The following L3MBTL4 variants were observed in gnomAD, a reference collection of about 807,000 sequenced individuals.
The protein encoded by L3MBTL4 is lethal(3)malignant brain tumor-like protein 4.
L3MBTL4 carries 70 observed loss-of-function variants against 84.5 expected under a neutral mutation model. The observed-to-expected ratio is 0.83, with a 90% CI of 0.68 to 1.01. The LOEUF (loss-of-function observed/expected upper bound fraction) is 1.01, where lower values mean the gene tolerates loss of function less well. Among genes scored for constraint, L3MBTL4 ranks in the 50% least tolerant of loss-of-function variants. L3MBTL4 has a pLI of 0.00. For synonymous variants in L3MBTL4, 274 were observed against 259.8 expected, an observed-to-expected ratio of 1.05 and a Z score of -0.52; for missense variants, 715 against 754.8, an observed-to-expected ratio of 0.95 and a Z score of 0.62.
intron 16 of L3MBTL4, among the ~76,000 whole-genome samples, chr18:6,060,991 T>C (rs947253085): frequency 1.1e-4 from 16 of 152,108 alleles, no homozygotes; most frequent in Admixed American, 9.8e-4. Flanking sequence ...TTTGTACAAA[T>C]ATAAGTTTTA....
At chr18:6,175,185 C>A (rs764911960) in intron 12 of L3MBTL4, among the ~76,000 whole-genome samples, 1 of 152,102 alleles carries the variant, frequency 6.6e-6, no homozygotes. Flanking sequence ...CAACCGGACA[C>A]AATGCAACAC....
At chr18:6,100,368 A>C (rs1366409928) in intron 14 of L3MBTL4, among the ~76,000 whole-genome samples, 6 of 151,984 alleles carry the variant, frequency 3.9e-5, no homozygotes, top group African/African-American at 1.2e-4. Context: ...TTTATTTTCC[A>C]TTTCTTTGGT....
intron 5 of L3MBTL4, among the ~76,000 whole-genome samples, chr18:6,253,944 T>C (rs1191770812): frequency 1.3e-5 from 2 of 152,214 alleles, no homozygotes; most frequent in African/African-American, 4.8e-5. Context: ...AAATATTATA[T>C]ACACTAATAC....
intron 4 of L3MBTL4, among the ~76,000 whole-genome samples, chr18:6,285,920 C>T (rs982160351): frequency 6.6e-6 from 1 of 151,336 alleles, no homozygotes; most frequent in East Asian, 2.0e-4. Flanking sequence ...CAACCTCCGC[C>T]TCCCGGGTTC....
At chr18:6,169,378 A>T (rs1274730063) in intron 13 of L3MBTL4, among the ~76,000 whole-genome samples, 11 of 152,176 alleles carry the variant, frequency 7.2e-5, no homozygotes, top group Non-Finnish European at 4.4e-5. Context: ...ACACATGCAC[A>T]TGTATGTTTA....
At chr18:5,970,845 C>T (rs1263882822) in intron 16 of L3MBTL4, among the ~76,000 whole-genome samples, 1 of 152,234 alleles carries the variant, frequency 6.6e-6, no homozygotes, top group Non-Finnish European at 1.5e-5. Context: ...CACATATACT[C>T]ATTAGTAATC....
intron 16 of L3MBTL4, among the ~76,000 whole-genome samples, chr18:6,040,205 T>A (rs1424371293): frequency 2.6e-5 from 4 of 152,172 alleles, no homozygotes; most frequent in Non-Finnish European, 2.9e-5. Context: ...AATAAACTTT[T>A]AAAAATTCAA....
chr18:6,217,423 G>A (rs915323406), intron 10 of L3MBTL4, among the ~76,000 whole-genome samples: 8 of 152,080 alleles, frequency 5.3e-5, no homozygotes, highest in South Asian at 4.1e-4. Flanking sequence ...TCTGCATTCC[G>A]AATGTGAGGG....
At chr18:5,971,387 A>C (rs2052635262) in intron 16 of L3MBTL4, among the ~76,000 whole-genome samples, 1 of 152,198 alleles carries the variant, frequency 6.6e-6, no homozygotes, top group Non-Finnish European at 1.5e-5. Flanking sequence ...TGTATTCTGG[A>C]AAAGAATAAC....
At chr18:6,241,217 C>T (rs773177753) in intron 8 of L3MBTL4, 141 bp downstream of exon 8, 113 of 600,754 alleles carry the variant, frequency 1.9e-4, no homozygotes, top group Non-Finnish European at 3.3e-4. Flanking sequence ...AAGAAACTGA[C>T]GAATTAGGTG....
At chr18:6,302,497 T>C (rs2050386170) in intron 3 of L3MBTL4, among the ~76,000 whole-genome samples, 1 of 152,220 alleles carries the variant, frequency 6.6e-6, no homozygotes, top group African/African-American at 2.4e-5. Flanking sequence ...AGCAAGATGG[T>C]GCAGCCCCAC....
At chr18:6,386,144 C>T (rs1458190785) in intron 1 of L3MBTL4, among the ~76,000 whole-genome samples, 2 of 152,114 alleles carry the variant, frequency 1.3e-5, no homozygotes, top group Non-Finnish European at 2.9e-5. Context: ...GGGGAGAAAG[C>T]CTGCACTACA....
intron 11 of L3MBTL4, among the ~76,000 whole-genome samples, chr18:6,213,651 A>G (rs1183895213): frequency 1.3e-5 from 2 of 148,938 alleles, no homozygotes; most frequent in Non-Finnish European, 3.0e-5. Flanking sequence ...ACCTCAGGTG[A>G]TCTGCCCACC....
At chr18:6,072,681 AACACACACACACACAC>A (rs367701179) in intron 16 of L3MBTL4, among the ~76,000 whole-genome samples, 1 of 119,702 alleles carries the variant, frequency 8.4e-6, no homozygotes, top group African/African-American at 3.3e-5. Context: ...TCTACTAAAA[AACACACACACACACAC>A]AAAAAAAAAT....
At chr18:6,242,767 G>C (rs1357350555) in intron 7 of L3MBTL4, among the ~76,000 whole-genome samples, 1 of 152,168 alleles carries the variant, frequency 6.6e-6, no homozygotes, top group Non-Finnish European at 1.5e-5. Context: ...ACAGCAAATC[G>C]AAAAGGTTTT....
chr18:6,326,611 G>C (rs1201394539), intron 1 of L3MBTL4: 3 of 152,166 alleles, frequency 2.0e-5, no homozygotes, highest in Non-Finnish European at 2.9e-5. Context: ...AGGAAAGCAG[G>C]GTTCTATGAG....
intron 14 of L3MBTL4, among the ~76,000 whole-genome samples, chr18:6,117,822 C>A (rs990300010): frequency 1.3e-5 from 2 of 152,200 alleles, no homozygotes; most frequent in Non-Finnish European, 2.9e-5. Flanking sequence ...ATGACATATT[C>A]TTAATATTCA....
intron 1 of L3MBTL4, among the ~76,000 whole-genome samples, chr18:6,325,931 G>T (rs1043059495): frequency 6.6e-6 from 1 of 152,106 alleles, no homozygotes; most frequent in African/African-American, 2.4e-5. Flanking sequence ...TTTCAGCAAG[G>T]CTTGCTCCTT....
intron 18 of L3MBTL4, among the ~76,000 whole-genome samples, chr18:5,958,025 GAAA>G (rs1384318459): frequency 1.7e-5 from 2 of 116,726 alleles, no homozygotes; most frequent in Admixed American, 8.3e-5. Context: ...AGGAGAAGGA[GAAA>G]GAGGAGGAGG....
Sources: gnomAD v4.1 joint callset for allele counts (sites outside exome capture counted in the v4.1 genomes callset) on GRCh38, gnomAD v4.1.1 for gene constraint, MANE v1.5 for transcripts, NCBI Gene and HGNC (gene_info 2026-07-23, HGNC 2026-07-21) for gene names.